VBP1: variants seen among roughly 807,000 people sequenced by gnomAD.
The protein encoded by VBP1 is prefoldin subunit 3.
A neutral mutation model predicts 15.5 loss-of-function variants in VBP1; 4 were observed. That is an observed-to-expected ratio of 0.26 (90% CI 0.13 to 0.59). VBP1 has a LOEUF of 0.59. Among genes scored for constraint, VBP1 ranks in the 20% least tolerant of loss-of-function variants. VBP1 has a pLI of 0.90. For synonymous variants in VBP1, 61 were observed against 52.1 expected, an observed-to-expected ratio of 1.17 and a Z score of -0.74; for missense variants, 108 against 139.6, an observed-to-expected ratio of 0.77 and a Z score of 1.14.
intron 3 of VBP1, among the ~76,000 whole-genome samples, chrX:155,227,596 T>G (rs918808647): frequency 1.8e-4 from 20 of 112,740 alleles, no homozygotes; most frequent in Non-Finnish European, 3.2e-4. Flanking sequence ...AAATGTCTTA[T>G]TCTGTGCTAG....
intron 1 of VBP1, chrX:155,208,786 G>A (rs1238473661): frequency 2.0e-6 from 1 of 498,889 alleles, no homozygotes; most frequent in Non-Finnish European, 3.2e-6. Flanking sequence ...ACTCTAGGGG[G>A]CTACTTGTTC....
At chrX:155,203,700 G>A (rs1317867599) in intron 1 of VBP1, among the ~76,000 whole-genome samples, 2 of 109,284 alleles carry the variant, frequency 1.8e-5, no homozygotes, top group Non-Finnish European at 3.8e-5. Flanking sequence ...CGTGGCACAT[G>A]TATACATATG....
chrX:155,229,546 G>A (rs1220910119), intron 4 of VBP1, among the ~76,000 whole-genome samples: 2 of 112,062 alleles, frequency 1.8e-5, no homozygotes, highest in Admixed American at 1.9e-4. Context: ...GTTATTCGAT[G>A]TGTTTCATTC....
chrX:155,210,675 C>T (rs1415732610), intron 2 of VBP1, among the ~76,000 whole-genome samples: 5 of 111,936 alleles, frequency 4.5e-5, no homozygotes, highest in Admixed American at 9.5e-5. Flanking sequence ...CATGGAGTGA[C>T]AATTCGCTTC....
At chrX:155,229,026 C>G (rs1160875865) in intron 4 of VBP1, among the ~76,000 whole-genome samples, 17 of 111,955 alleles carry the variant, frequency 1.5e-4, no homozygotes, top group African/African-American at 5.5e-4. Context: ...AGTCCTCTGA[C>G]TATCCAGCTA....
At position 155,198,293 on chromosome X, in the gene VBP1, A is replaced by G. The variant is rs782276872; in HGVS notation, c.-31+1154A>G. 1.5e-3 allele frequency among the ~76,000 whole-genome samples: 167 copies of G among 112,455 alleles called. No homozygotes were observed. In the East Asian group the frequency reaches 0.022, roughly 15 times the overall value. ...AGCACGCAACTGGAGATCTGAGAAC[A>G]GGCAGACTGCCTCCTCAAGTGGGTC... On this transcript the variant is annotated intron_variant, in intron 1 of 6. Coordinates refer to the VBP1 transcript ENST00000535916.
At chrX:155,230,111 C>G (rs1362672232) in intron 4 of VBP1, among the ~76,000 whole-genome samples, 2 of 111,490 alleles carry the variant, frequency 1.8e-5, no homozygotes, top group African/African-American at 6.5e-5. Context: ...CCGTGATGAG[C>G]CCCAGAATCA....
chrX:155,199,187 G>C (rs2074591377), intron 1 of VBP1, among the ~76,000 whole-genome samples: 1 of 111,409 alleles, frequency 9.0e-6, no homozygotes, highest in Non-Finnish European at 1.9e-5. Flanking sequence ...ACACTCTGCA[G>C]GATATTATCC....
chrX:155,220,025 A>AT (rs1272945898), intron 1 of VBP1, among the ~76,000 whole-genome samples, 158 bp from the exon 2 acceptor site: 1 of 111,328 alleles, frequency 9.0e-6, no homozygotes, highest in East Asian at 2.8e-4. Context: ...GGTCCCAAGC[A>AT]TTTTAGATAA....
At chrX:155,217,716 T>C (rs959288063) in intron 1 of VBP1, among the ~76,000 whole-genome samples, 49 of 112,385 alleles carry the variant, frequency 4.4e-4, no homozygotes, top group East Asian at 2.8e-3. Context: ...TGCCAGGCAC[T>C]TTCTTAATGA....
chrX:155,237,998 T>C (rs1000557317), intron 5 of VBP1, among the ~76,000 whole-genome samples: 1 of 110,856 alleles, frequency 9.0e-6, no homozygotes, highest in Non-Finnish European at 1.9e-5. Context: ...CATCCAGCTA[T>C]GAGATGACGA....
At chrX:155,205,984 T>C (rs782191603) in intron 1 of VBP1, among the ~76,000 whole-genome samples, 6 of 112,293 alleles carry the variant, frequency 5.3e-5, no homozygotes, top group Non-Finnish European at 1.1e-4. Flanking sequence ...GTCCTTGTCT[T>C]ACTTAGTCCT....
At chrX:155,225,943 A>G (rs2074717724) in intron 2 of VBP1, among the ~76,000 whole-genome samples, 1 of 112,072 alleles carries the variant, frequency 8.9e-6, no homozygotes, top group South Asian at 3.7e-4. Flanking sequence ...ATTTCTTGCC[A>G]GGTCAGTAGC....
Position 155,216,549 on chromosome X carries a change from C to G in VBP1, c.67C>G (p.Leu23Val). The G allele has an allele frequency of 8.5e-7, 1 of 1,169,816 alleles. No homozygotes were observed. The highest frequency in any genetic ancestry group is 1.8e-5 in the African/African-American group (1 of 56,477). ...MATGNGRRLH[L>V]GIPEAVFVED... ...CACAGGGAATGGGCGGCGGCTCCAC[C>G]TGGGGATTCCTGAGGCCGTGTTTGT... The change falls in exon 1 of 6, where the codon CTG becomes GTG. Residue 23 changes from leucine (L) to valine (V), a missense_variant. Leu to Val is a conservative substitution (Grantham distance 32). Transcript: ENST00000286428.
intron 2 of VBP1, among the ~76,000 whole-genome samples, chrX:155,223,101 C>G (rs4893072): frequency 0.31 from 28,259 of 92,011 alleles, 5,189 homozygotes; most frequent in African/African-American, 0.54. Context: ...ATGTAGTTTA[C>G]ATGCTAGCCT....
intron 4 of VBP1, 70 bp downstream of exon 4, chrX:155,228,552 TTTTGCTAGTA>T (rs1487980212): frequency 4.5e-6 from 4 of 889,994 alleles, no homozygotes; most frequent in Non-Finnish European, 6.4e-6. Context: ...AACACACTGG[TTTTGCTAGTA>T]TTTGCTAGTA....
At chrX:155,224,825 T>C (rs1159239975) in intron 2 of VBP1, among the ~76,000 whole-genome samples, 6 of 112,093 alleles carry the variant, frequency 5.4e-5, no homozygotes, top group African/African-American at 1.9e-4. Context: ...CCTCTTTCTT[T>C]CTGGGATTCC....
chrX:155,204,177 G>A (rs1184590770), intron 1 of VBP1, among the ~76,000 whole-genome samples: 1 of 111,040 alleles, frequency 9.0e-6, no homozygotes, highest in Non-Finnish European at 1.9e-5. Flanking sequence ...TTTTGAGATG[G>A]AGTTTCACTC....
At chrX:155,236,168 T>C (rs1258117144) in intron 4 of VBP1, 61 bp from the exon 5 acceptor site, 1 of 1,127,408 alleles carries the variant, frequency 8.9e-7, no homozygotes, top group Non-Finnish European at 1.2e-6. Context: ...GCCCACACTT[T>C]ACTCTAACCT....
Sources: gnomAD v4.1 joint callset for allele counts (sites outside exome capture counted in the v4.1 genomes callset) on GRCh38, gnomAD v4.1.1 for gene constraint, MANE v1.5 for transcripts, NCBI Gene and HGNC (gene_info 2026-07-23, HGNC 2026-07-21) for gene names.